The following ANAPC16 variants were observed in gnomAD, a reference collection of about 807,000 sequenced individuals.
The protein encoded by ANAPC16 is anaphase-promoting complex subunit 16.
A neutral mutation model predicts 13.1 loss-of-function variants in ANAPC16; 6 were observed. That is an observed-to-expected ratio of 0.46 (90% CI 0.25 to 0.90). ANAPC16 has a LOEUF of 0.90. Ranked by LOEUF, ANAPC16 falls within the 40% of genes least tolerant of loss-of-function variation. ANAPC16 has a pLI of 0.18. For missense variants in ANAPC16, 113 were observed against 131.1 expected (o/e 0.86, Z 0.67); for synonymous variants, 55 against 51.3 (o/e 1.07, Z -0.31).
chr10:72,224,413 GAGC>G (rs1319143082), intron 2 of ANAPC16, among the ~76,000 whole-genome samples: 1 of 152,114 alleles, frequency 6.6e-6, no homozygotes, highest in East Asian at 1.9e-4. Context: ...AAGAGTTTGA[GAGC>G]AGCCTGGCCA....
intron 2 of ANAPC16, among the ~76,000 whole-genome samples, chr10:72,225,912 CA>C (rs1172835237): frequency 3.5e-5 from 5 of 143,808 alleles, no homozygotes; most frequent in East Asian, 4.1e-4. Context: ...AAAAAAAAAG[CA>C]AAAAAAAAGC....
intron 2 of ANAPC16, 22 bp from the exon 3 acceptor site, chr10:72,230,344 C>G: frequency 3.7e-6 from 6 of 1,605,914 alleles, no homozygotes; most frequent in Non-Finnish European, 5.1e-6. Context: ...CAGATTAAAA[C>G]CTTTTCTCCT....
chr10:72,217,363 T>TACTC (rs964396362), intron 1 of ANAPC16, among the ~76,000 whole-genome samples: 1 of 151,216 alleles, frequency 6.6e-6, no homozygotes, highest in Non-Finnish European at 1.5e-5. Context: ...TAGTCCCAGC[T>TACTC]ACTCGGGAGG....
At chr10:72,220,327 A>G (rs1340415542) in intron 1 of ANAPC16, 7 of 138,824 alleles carry the variant, frequency 5.0e-5, no homozygotes, top group Non-Finnish European at 9.9e-5. Flanking sequence ...CTCCGTCTCA[A>G]AAAAAAAAAA....
chr10:72,230,893 A>T (rs1399598164), intron 3 of ANAPC16, among the ~76,000 whole-genome samples: 1 of 152,134 alleles, frequency 6.6e-6, no homozygotes, highest in Non-Finnish European at 1.5e-5. Context: ...TCTGAAAAAC[A>T]AAAAAAGTTG....
intron 3 of ANAPC16, among the ~76,000 whole-genome samples, chr10:72,231,442 T>C (rs1307470286): frequency 2.0e-5 from 3 of 152,100 alleles, no homozygotes; most frequent in African/African-American, 7.2e-5. Flanking sequence ...CGTGGGAGGC[T>C]GAGTTGGGAC....
chr10:72,227,311 G>A (rs529540358), intron 2 of ANAPC16, among the ~76,000 whole-genome samples: 23 of 152,262 alleles, frequency 1.5e-4, no homozygotes, highest in South Asian at 6.2e-4. Flanking sequence ...ATGTTCTAAC[G>A]AGTTATAGAT....
chr10:72,220,416 C>T (rs142660029), intron 1 of ANAPC16: 2 of 151,352 alleles, frequency 1.3e-5, no homozygotes, highest in East Asian at 3.9e-4. Context: ...TTTGGGAGGC[C>T]AGGGTGGGAG....
intron 3 of ANAPC16, among the ~76,000 whole-genome samples, chr10:72,231,938 A>G (rs1050130668): frequency 2.6e-5 from 4 of 151,692 alleles, no homozygotes; most frequent in South Asian, 2.1e-4. Context: ...TATAATCCCA[A>G]CAATTTGGGA....
At chr10:72,224,172 A>G in intron 2 of ANAPC16, 116 bp downstream of exon 2, 3 of 1,160,116 alleles carry the variant, frequency 2.6e-6, no homozygotes, top group Non-Finnish European at 2.3e-6. Flanking sequence ...TCCACATTTC[A>G]TTTCTTGTCC....
chr10:72,216,043 G>A lies in ANAPC16; in HGVS notation c.-123G>A, dbSNP rs760141665. ...CCTTCGCCGCTGGCTCCGTCTGTTG[G>A]GGGGCGAACACGCCGCGGTCCTCGT... is the stretch of plus-strand genomic sequence containing the variant. On this transcript the variant is annotated 5_prime_UTR_variant, in exon 1 of 4. Transcript: ENST00000299381. The A allele has an allele frequency of 1.3e-5, 2 of 152,370 alleles. No homozygotes were observed. Among genetic ancestry groups the A allele is most frequent in the Non-Finnish European group, 2.9e-5 (2 of 68,172 alleles). 9.4% of individuals were successfully genotyped at this position (152,370 alleles called of 1,614,324 possible).
chr10:72,234,824 G>C lies in ANAPC16; in HGVS notation c.*1708G>C, dbSNP rs1035466477. On this transcript the variant is annotated 3_prime_UTR_variant, in exon 4 of 4. Transcript: ENST00000299381. Reference sequence around the variant, plus strand: ...AATCTCGGACTTGGAATAGATCCCAGTTGCCTGATAATTCATCTCATTATT... The same window carrying C: ...AATCTCGGACTTGGAATAGATCCCACTTGCCTGATAATTCATCTCATTATT... 4 of 152,168 alleles carry C rather than the reference G, an allele frequency of 2.6e-5. No individual in the cohort carries two copies. The highest frequency in any genetic ancestry group is 9.7e-5 in the African/African-American group (4 of 41,442). The allele number at this position is 152,168 out of a possible 1,614,324, so 9.4% of individuals were successfully genotyped here.
chr10:72,222,838 G>T (rs1859992756), intron 1 of ANAPC16, among the ~76,000 whole-genome samples: 1 of 152,194 alleles, frequency 6.6e-6, no homozygotes, highest in African/African-American at 2.4e-5. Flanking sequence ...TTTTGTTAAA[G>T]TCGTGTAAGC....
intron 2 of ANAPC16, among the ~76,000 whole-genome samples, chr10:72,227,269 A>G (rs1453810569): frequency 6.6e-6 from 1 of 152,222 alleles, no homozygotes; most frequent in Non-Finnish European, 1.5e-5. Flanking sequence ...GATATTGAAG[A>G]AGAAAGGCTT....
Position 72,230,360 on chromosome 10 carries a change from T to G in ANAPC16, c.143-6T>G. 6.2e-7 allele frequency: 1 copy of G among 1,613,484 alleles called. No homozygotes were observed. The highest frequency in any genetic ancestry group is 8.5e-7 in the Non-Finnish European group (1 of 1,179,504). ...AGATTAAAACCTTTTCTCCTTTTGT[T>G]TGTAGATGGCTCTGAGAGATTCCTC... On this transcript the variant is annotated splice_polypyrimidine_tract_variant and splice_region_variant and intron_variant, in intron 2 of 3. Transcript: ENST00000299381.
In ANAPC16 at chr10:72,233,261, C is replaced by A; in HGVS notation, c.*145C>A. 1 of 601,028 alleles carries A rather than the reference C, an allele frequency of 1.7e-6. No homozygotes were observed. Among genetic ancestry groups the A allele is most frequent in the Non-Finnish European group, 3.0e-6 (1 of 336,926 alleles). The allele number at this position is 601,028 out of a possible 1,614,324, so 37.2% of individuals were successfully genotyped here. ...TGTACTTGGTTTCTCTGTATCTATT[C>A]ACAGGCAACAAATACTTATATGTGT... On this transcript the variant is annotated 3_prime_UTR_variant, in exon 4 of 4. Coordinates refer to ENST00000299381, the MANE Select transcript of ANAPC16 (RefSeq NM_173473.4).
intron 1 of ANAPC16, among the ~76,000 whole-genome samples, chr10:72,219,278 G>C (rs966077363): frequency 6.6e-6 from 1 of 152,178 alleles, no homozygotes; most frequent in African/African-American, 2.4e-5. Context: ...TACTGCTTAA[G>C]TTCAAAAACA....
In ANAPC16 at chr10:72,223,935, C is replaced by A. The variant is rs201228064; in HGVS notation, c.21C>A (p.Ser7=). Reference sequence around the variant, plus strand: ...AGGAAATGGCTGCTTCATCATCATCCTCCTCAGCTGGTGGGGTCAGTGGAA... The same window carrying A: ...AGGAAATGGCTGCTTCATCATCATCATCCTCAGCTGGTGGGGTCAGTGGAA... The part of the protein sequence containing the change: MAASSS[S]SSAGGVSGSS... Residue 7 remains serine, a synonymous_variant, in exon 2 of 4, where the codon TCC becomes TCA. Transcript: ENST00000299381. 7.0e-4 allele frequency: 1,126 copies of A among 1,605,524 alleles called. 20 individuals are homozygous for A. In the South Asian group the frequency reaches 0.012, roughly 17 times the overall value.
intron 2 of ANAPC16, among the ~76,000 whole-genome samples, chr10:72,228,903 G>A (rs984213068): frequency 6.6e-5 from 10 of 152,198 alleles, no homozygotes; most frequent in African/African-American, 2.2e-4. Flanking sequence ...ATGCAAGTGA[G>A]AGGTGGCACT....
Sources: gnomAD v4.1 joint callset for allele counts (sites outside exome capture counted in the v4.1 genomes callset) on GRCh38, gnomAD v4.1.1 for gene constraint, MANE v1.5 for transcripts, NCBI Gene and HGNC (gene_info 2026-07-23, HGNC 2026-07-21) for gene names.